The following TCERG1L variants were observed in gnomAD, a reference collection of about 807,000 sequenced individuals.
TCERG1L encodes transcription elongation regulator 1-like protein.
Under a neutral mutation model 56.3 loss-of-function variants are expected in TCERG1L, and 37 were observed. That is an observed-to-expected ratio of 0.66 (90% CI 0.51 to 0.87). TCERG1L has a LOEUF of 0.87. Among genes scored for constraint, TCERG1L ranks in the 40% least tolerant of loss-of-function variants. TCERG1L has a pLI of 0.00. For synonymous variants in TCERG1L, 324 were observed against 326.3 expected (o/e 0.99, Z 0.08); for missense variants, 799 against 774.2 (o/e 1.03, Z -0.38).
At chr10:131,169,373 A>ACAAGGGGGCACACAAAGG (rs1424854308) in intron 4 of TCERG1L, among the ~76,000 whole-genome samples, 1 of 152,174 alleles carries the variant, frequency 6.6e-6, no homozygotes, top group East Asian at 1.9e-4. Flanking sequence ...TGACTGAGGC[A>ACAAGGGGGCACACAAAGG]CAAGGGGGCA....
chr10:131,146,701 CACTT>C (rs1184795991), intron 6 of TCERG1L, 41 bp from the exon 7 acceptor site: 1 of 1,570,852 alleles, frequency 6.4e-7, no homozygotes, highest in African/African-American at 1.4e-5. Context: ...CTCTCGGAGA[CACTT>C]AATTAGAAAG....
At chr10:131,168,444 C>T (rs530132142) in intron 4 of TCERG1L, among the ~76,000 whole-genome samples, 3 of 152,314 alleles carry the variant, frequency 2.0e-5, no homozygotes, top group Non-Finnish European at 4.4e-5. Flanking sequence ...GCAAGGCATC[C>T]CTCCCCAGCA....
At position 131,260,800 on chromosome 10, in the gene TCERG1L, C is replaced by T. The variant is rs896489770; in HGVS notation, c.671-356G>A. Among the ~76,000 whole-genome samples the T allele has an allele frequency of 3.3e-5, 5 of 152,164 alleles. No homozygotes were observed. The highest frequency in any genetic ancestry group is 9.7e-5 in the African/African-American group (4 of 41,436). On this transcript the variant is annotated intron_variant, in intron 3 of 11. Transcript: ENST00000368642. This position sits in a 1 kb window ranked among gnomAD's most constrained non-coding sequence, Gnocchi z 5.8. ...CCTAATCAGAAGTGACCATGAACAGCACTCAGTGATTTGGAGCAGAAACCG... is the reference window on the plus strand; with the variant it reads ...CCTAATCAGAAGTGACCATGAACAGTACTCAGTGATTTGGAGCAGAAACCG...
chr10:131,157,037 T>C (rs59435792), intron 6 of TCERG1L, among the ~76,000 whole-genome samples: 1,975 of 152,334 alleles, frequency 0.013, 50 homozygotes, highest in African/African-American at 0.045. Flanking sequence ...AGTCAGCCCC[T>C]GGCTTCTGGG....
intron 4 of TCERG1L, among the ~76,000 whole-genome samples, chr10:131,212,936 C>T (rs571261806): frequency 2.6e-5 from 4 of 152,336 alleles, no homozygotes; most frequent in South Asian, 4.1e-4. Context: ...CAGAGGTTCC[C>T]CACAAGTGCT....
intron 4 of TCERG1L, among the ~76,000 whole-genome samples, chr10:131,247,836 C>G (rs1042480064): frequency 6.6e-6 from 1 of 152,184 alleles, no homozygotes; most frequent in Non-Finnish European, 1.5e-5. Context: ...GCCATGGCCT[C>G]AATCAGATCA....
At chr10:131,177,073 TAC>T (rs1185938279) in intron 4 of TCERG1L, among the ~76,000 whole-genome samples, 35 of 83,816 alleles carry the variant, frequency 4.2e-4, no homozygotes, top group East Asian at 1.2e-3. Flanking sequence ...CACAGACACA[TAC>T]ACACACACGT....
chr10:131,154,335 A>G (rs1845896521), intron 6 of TCERG1L, among the ~76,000 whole-genome samples: 1 of 152,152 alleles, frequency 6.6e-6, no homozygotes, highest in African/African-American at 2.4e-5. Flanking sequence ...AAGCTTCAAA[A>G]TCAGCTGGCT....
At chr10:131,176,096 G>A (rs947967330) in intron 4 of TCERG1L, among the ~76,000 whole-genome samples, 1 of 152,220 alleles carries the variant, frequency 6.6e-6, no homozygotes, top group Non-Finnish European at 1.5e-5. Flanking sequence ...GCTAGAGCAA[G>A]CACCCAGCAG....
intron 4 of TCERG1L, among the ~76,000 whole-genome samples, chr10:131,216,420 A>G (rs1307574341): frequency 6.6e-6 from 1 of 152,172 alleles, no homozygotes; most frequent in Non-Finnish European, 1.5e-5. Flanking sequence ...TTCAGTTTGG[A>G]CAATATCTTG....
chr10:131,201,849 A>T (rs1589745901), intron 4 of TCERG1L, among the ~76,000 whole-genome samples: 2 of 152,020 alleles, frequency 1.3e-5, no homozygotes, highest in Non-Finnish European at 2.9e-5. Context: ...CTGCTCTTTT[A>T]CCCCACGTCC....
chr10:131,203,918 C>A (rs1845484899), intron 4 of TCERG1L, among the ~76,000 whole-genome samples: 1 of 152,176 alleles, frequency 6.6e-6, no homozygotes, highest in African/African-American at 2.4e-5. Context: ...CACATTAGGT[C>A]ACACTAGGGC....
At chr10:131,169,642 G>A (rs1351986384) in intron 4 of TCERG1L, among the ~76,000 whole-genome samples, 1 of 152,162 alleles carries the variant, frequency 6.6e-6, no homozygotes, top group Non-Finnish European at 1.5e-5. Context: ...AAGTCTGGAG[G>A]GGTCGTGCAC....
At chr10:131,270,722 T>C (rs965964660) in intron 3 of TCERG1L, among the ~76,000 whole-genome samples, 2 of 152,252 alleles carry the variant, frequency 1.3e-5, no homozygotes, top group African/African-American at 2.4e-5. Flanking sequence ...ATGTTTTTTT[T>C]CAAACACTTC....
intron 9 of TCERG1L, among the ~76,000 whole-genome samples, chr10:131,107,558 C>A (rs993831225): frequency 5.9e-5 from 9 of 152,094 alleles, no homozygotes; most frequent in African/African-American, 2.2e-4. Context: ...GAAACAGGGT[C>A]TTTCCCTGCC....
rs528335611 is a variant in TCERG1L at position 131,185,412 on chromosome 10, GCATTAAAGAACAC to G, written c.857-18540_857-18528del. ...CATCTCATCAAAATTAAAAACTTGT[GCATTAAAGAACAC>G]CATCAAGAAAGGAAAAAACAACCTT... On this transcript the variant is annotated intron_variant, in intron 4 of 11. Transcript: ENST00000368642. Among the ~76,000 whole-genome samples, 22 of 152,128 alleles carry G rather than the reference GCATTAAAGAACAC, an allele frequency of 1.4e-4. No homozygotes were observed. The South Asian group carries it at 4.0e-3, about 27-fold the overall frequency.
chr10:131,115,679 C>T (rs1224572925), intron 9 of TCERG1L, among the ~76,000 whole-genome samples: 2 of 152,182 alleles, frequency 1.3e-5, no homozygotes, highest in Non-Finnish European at 1.5e-5. Flanking sequence ...TAAACAGGTG[C>T]ACACATTCAA....
chr10:131,175,219 C>T (rs772217703), intron 4 of TCERG1L, among the ~76,000 whole-genome samples: 11 of 152,188 alleles, frequency 7.2e-5, no homozygotes, highest in Admixed American at 2.6e-4. Context: ...AAGTGCTGCA[C>T]CCAGCAGAGT....
chr10:131,255,426 A>T (rs765699411), intron 4 of TCERG1L, among the ~76,000 whole-genome samples: 4 of 152,270 alleles, frequency 2.6e-5, no homozygotes, highest in Non-Finnish European at 5.9e-5. Context: ...TGGTAAACAT[A>T]TATTTTTAAA....
Sources: gnomAD v4.1 joint callset for allele counts (sites outside exome capture counted in the v4.1 genomes callset) on GRCh38, gnomAD v4.1.1 for gene constraint, Gnocchi (gnomAD v3.1) non-coding constraint, MANE v1.5 for transcripts, NCBI Gene and HGNC (gene_info 2026-07-23, HGNC 2026-07-21) for gene names.